The following SORCS2 variants were observed in gnomAD, a reference collection of about 807,000 sequenced individuals.
The protein encoded by SORCS2 is sortilin related VPS10 domain containing receptor 2.
SORCS2 carries 100 observed loss-of-function variants against 141.6 expected under a neutral mutation model. The ratio of observed to expected loss-of-function variants is 0.71; its 90% CI spans 0.60 to 0.83. The LOEUF (loss-of-function observed/expected upper bound fraction) is 0.83, where lower values mean the gene tolerates loss of function less well. Among genes scored for constraint, SORCS2 ranks in the 40% least tolerant of loss-of-function variants. SORCS2 has a pLI of 0.00. For synonymous variants in SORCS2, 789 were observed against 676.9 expected, an observed-to-expected ratio of 1.17 and a Z score of -2.57; for missense variants, 1,646 against 1,560.2, an observed-to-expected ratio of 1.05 and a Z score of -0.93.
rs36003102 is a variant in SORCS2 at position 7,618,837 on chromosome 4, A to AAC, written c.649-19471_649-19470dup. Among the ~76,000 whole-genome samples, 112 of 150,560 alleles carry AAC rather than the reference A, an allele frequency of 7.4e-4. 1 individual carries two copies. In the East Asian group the frequency reaches 7.8e-3, roughly 11 times the overall value. On this transcript the variant is annotated intron_variant, in intron 3 of 26. Transcript: ENST00000507866. ...ACTTATTGTCTGAGCCATGTGCGCA[A>AAC]ACACACACACACACACACACAAACA...
intron 1 of SORCS2, among the ~76,000 whole-genome samples, chr4:7,384,364 G>A (rs1338532322): frequency 2.0e-5 from 3 of 152,200 alleles, no homozygotes; most frequent in African/African-American, 7.2e-5. Flanking sequence ...TTATTTTAAT[G>A]AGACGGTGAC....
intron 2 of SORCS2, among the ~76,000 whole-genome samples, chr4:7,474,822 G>A (rs767252920): frequency 1.3e-5 from 2 of 152,156 alleles, no homozygotes; most frequent in Admixed American, 6.5e-5. Flanking sequence ...CTGGGAGCCC[G>A]AAGCCCGGAA....
chr4:7,575,510 A>G (rs190620212), intron 3 of SORCS2, among the ~76,000 whole-genome samples: 1 of 152,330 alleles, frequency 6.6e-6, no homozygotes, highest in African/African-American at 2.4e-5. Flanking sequence ...CTATATTTAG[A>G]TTTCATAACA....
At position 7,646,816 on chromosome 4, in the gene SORCS2, T is replaced by C. The variant is rs180936587; in HGVS notation, c.814-7318T>C. On this transcript the variant is annotated intron_variant, in intron 4 of 26. Transcript: ENST00000507866. ...TTAAGCTGAGCCCTCTGGGGTACGT[T>C]GTTACGGAAGCCCACGTCAGCTAAT... Among the ~76,000 whole-genome samples the C allele has an allele frequency of 2.3e-3, 347 of 152,298 alleles. 3 individuals carry two copies. Among genetic ancestry groups the C allele is most frequent in the Non-Finnish European group, 4.4e-3 (301 of 68,030 alleles).
chr4:7,475,530 T>C (rs1577625994), intron 2 of SORCS2, among the ~76,000 whole-genome samples: 1 of 152,190 alleles, frequency 6.6e-6, no homozygotes, highest in South Asian at 2.1e-4. Flanking sequence ...AGACAGAGCA[T>C]GGCCAGCCCA....
At chr4:7,597,762 C>T (rs761611707) in intron 3 of SORCS2, among the ~76,000 whole-genome samples, 6 of 151,888 alleles carry the variant, frequency 4.0e-5, no homozygotes, top group Admixed American at 6.6e-5. Flanking sequence ...GAGGAACATT[C>T]GACATTGAGA....
chr4:7,193,185 G>A lies in SORCS2; in HGVS notation c.480+59G>A. The stretch of plus-strand genomic sequence containing the variant: ...ACCCGGGACACCGCGGGACACCCGG[G>A]CGGGACCGCCACGGCCCCCACCCCA... On this transcript the variant is annotated intron_variant, in intron 1 of 26. Transcript: ENST00000507866. This position sits in a 1 kb window ranked among gnomAD's most constrained non-coding sequence, Gnocchi z 4.8. The A allele has an allele frequency of 7.1e-7, 1 of 1,412,700 alleles. No individual in the cohort carries two copies. The highest frequency in any genetic ancestry group is 9.2e-7 in the Non-Finnish European group (1 of 1,086,546). The allele number at this position is 1,412,700 out of a possible 1,614,324, so 87.5% of individuals were successfully genotyped here.
chr4:7,285,564 CT>C (rs1716161121), intron 1 of SORCS2, among the ~76,000 whole-genome samples: 1 of 152,260 alleles, frequency 6.6e-6, no homozygotes, highest in African/African-American at 2.4e-5. Flanking sequence ...GACATGGCCT[CT>C]GCCAGCCAAG....
chr4:7,435,373 C>T (rs144033289), intron 2 of SORCS2, among the ~76,000 whole-genome samples: 4 of 152,218 alleles, frequency 2.6e-5, no homozygotes, highest in African/African-American at 7.2e-5. Context: ...ATCGAGTGTT[C>T]CCAATGACTG....
At chr4:7,246,468 T>C (rs1713099009) in intron 1 of SORCS2, among the ~76,000 whole-genome samples, 3 of 145,970 alleles carry the variant, frequency 2.1e-5, no homozygotes, top group African/African-American at 5.3e-5. Flanking sequence ...GGGGCTTAAA[T>C]GAACCCACAC....
At chr4:7,207,060 C>G (rs1727783573) in intron 1 of SORCS2, among the ~76,000 whole-genome samples, 1 of 152,160 alleles carries the variant, frequency 6.6e-6, no homozygotes. Context: ...TCACCCACTG[C>G]TAACGTGCTC....
At chr4:7,435,148 G>A (rs138262423) in intron 2 of SORCS2, among the ~76,000 whole-genome samples, 1 of 152,238 alleles carries the variant, frequency 6.6e-6, no homozygotes, top group African/African-American at 2.4e-5. Flanking sequence ...AATGAAGCTC[G>A]GCTCCTAGGA....
chr4:7,619,304 T>A (rs1246191683), intron 3 of SORCS2, among the ~76,000 whole-genome samples: 1 of 152,186 alleles, frequency 6.6e-6, no homozygotes, highest in African/African-American at 2.4e-5. Context: ...ATTGTTTCCC[T>A]CCATTAGGGC....
At chr4:7,521,150 C>G (rs1381579669) in intron 2 of SORCS2, among the ~76,000 whole-genome samples, 1 of 152,176 alleles carries the variant, frequency 6.6e-6, no homozygotes, top group Non-Finnish European at 1.5e-5. Flanking sequence ...TCCCTTCACT[C>G]TGTCCTCTGC....
At chr4:7,714,138 G>C (rs916935435) in intron 15 of SORCS2, 102 bp from the exon 16 acceptor site, 9 of 1,464,524 alleles carry the variant, frequency 6.1e-6, no homozygotes, top group African/African-American at 1.4e-5. Context: ...TGTAACCTGA[G>C]CCATCAGCCA....
chr4:7,500,250 G>A (rs1731883292), intron 2 of SORCS2, among the ~76,000 whole-genome samples: 1 of 152,162 alleles, frequency 6.6e-6, no homozygotes. Context: ...GAGTGTGGGA[G>A]GTCACGCCTG....
At chr4:7,206,221 T>C (rs1448965445) in intron 1 of SORCS2, among the ~76,000 whole-genome samples, 1 of 152,186 alleles carries the variant, frequency 6.6e-6, no homozygotes, top group Non-Finnish European at 1.5e-5. Flanking sequence ...GCCTCCTCTC[T>C]GGTCTCCTCC....
At chr4:7,324,163 T>TA (rs1354177241) in intron 1 of SORCS2, among the ~76,000 whole-genome samples, 1 of 152,188 alleles carries the variant, frequency 6.6e-6, no homozygotes, top group Non-Finnish European at 1.5e-5. Context: ...CCTATTCCCT[T>TA]TCCACTAAGC....
chr4:7,694,298 T>G (rs1280999941), intron 11 of SORCS2, among the ~76,000 whole-genome samples: 1 of 151,960 alleles, frequency 6.6e-6, no homozygotes, highest in Non-Finnish European at 1.5e-5. Context: ...GCTTCTCCCC[T>G]CATCACCTCC....
Sources: allele counts gnomAD v4.1 joint callset (sites outside exome capture counted in the v4.1 genomes callset), GRCh38; gene constraint gnomAD v4.1.1; non-coding constraint Gnocchi (gnomAD v3.1); transcripts MANE v1.5; gene names NCBI Gene and HGNC (gene_info 2026-07-23, HGNC 2026-07-21).